SPAG16: variants seen among roughly 807,000 people sequenced by gnomAD.
SPAG16 encodes the protein sperm-associated antigen 16 protein.
A neutral mutation model predicts 80.4 loss-of-function variants in SPAG16; 86 were observed. That is an observed-to-expected ratio of 1.07 (90% confidence interval 0.90 to 1.28). SPAG16 has a LOEUF of 1.28. Among genes scored for constraint, SPAG16 ranks in the 50% most tolerant of loss-of-function variants. The pLI is 0.00. For synonymous variants in SPAG16, 294 were observed against 265.9 expected (o/e 1.11, Z -1.03); for missense variants, 870 against 765.3 (o/e 1.14, Z -1.61).
At chr2:213,337,667 G>T (rs570189219) in intron 5 of SPAG16, among the ~76,000 whole-genome samples, 14 of 152,070 alleles carry the variant, frequency 9.2e-5, no homozygotes, top group African/African-American at 3.4e-4. Context: ...GCAGACAAGA[G>T]GAGAGAAAAA....
intron 10 of SPAG16, among the ~76,000 whole-genome samples, chr2:213,672,259 T>C (rs2063839015): frequency 6.8e-6 from 1 of 147,880 alleles, no homozygotes; most frequent in East Asian, 1.9e-4. Flanking sequence ...AATTCTCTTC[T>C]TTTCCTCACT....
chr2:213,999,213 G>T (rs1209315922), intron 12 of SPAG16, among the ~76,000 whole-genome samples: 1 of 152,148 alleles, frequency 6.6e-6, no homozygotes, highest in Non-Finnish European at 1.5e-5. Flanking sequence ...AGGAGAAAAT[G>T]GTTTCATGTG....
intron 10 of SPAG16, among the ~76,000 whole-genome samples, chr2:213,781,641 T>C (rs1056560738): frequency 6.6e-6 from 1 of 152,216 alleles, no homozygotes; most frequent in African/African-American, 2.4e-5. Context: ...GAAAAATCTT[T>C]AATTTAGGAC....
intron 11 of SPAG16, among the ~76,000 whole-genome samples, chr2:213,917,759 C>T (rs2078036578): frequency 6.6e-6 from 1 of 152,008 alleles, no homozygotes; most frequent in Non-Finnish European, 1.5e-5. Context: ...ATATGGATGC[C>T]TTTTCTTTCT....
intron 15 of SPAG16, among the ~76,000 whole-genome samples, chr2:214,170,302 TATAAA>T (rs2056829640): frequency 6.8e-6 from 1 of 146,612 alleles, no homozygotes; most frequent in Non-Finnish European, 1.5e-5. Context: ...ACATATAAGA[TATAAA>T]TTAAAATAAA....
In SPAG16 at chr2:213,790,816, A is replaced by C. The variant is rs184493682; in HGVS notation, c.1071-71669A>C. 6.0e-3 allele frequency among the ~76,000 whole-genome samples: 919 copies of C among 152,206 alleles called. 1 individual carries two copies. Among genetic ancestry groups the C allele is most frequent in the Non-Finnish European group, 9.1e-3 (616 of 67,922 alleles). ...ATTTTGTCATGGGCCAATTCTGATT[A>C]TGTCACATCAGTTGAAGATGCACAT... On this transcript the variant is annotated intron_variant, in intron 10 of 15. Transcript: ENST00000331683.
At chr2:213,421,342 C>A (rs939111470) in intron 9 of SPAG16, among the ~76,000 whole-genome samples, 3 of 152,218 alleles carry the variant, frequency 2.0e-5, no homozygotes, top group East Asian at 1.9e-4. Context: ...CCATTTGGCC[C>A]CCTCCAGACA....
chr2:213,764,185 A>G (rs1268822076), intron 10 of SPAG16, among the ~76,000 whole-genome samples: 1 of 152,086 alleles, frequency 6.6e-6, no homozygotes, highest in East Asian at 1.9e-4. Flanking sequence ...TTTTAAAATG[A>G]TGACTAAGTT....
intron 9 of SPAG16, among the ~76,000 whole-genome samples, chr2:213,383,686 A>G (rs549374523): frequency 6.7e-4 from 102 of 152,336 alleles, no homozygotes; most frequent in Admixed American, 2.0e-3. Context: ...CATATAAGAC[A>G]TGAACTACTG....
chr2:214,104,971 G>A (rs1294008540), intron 13 of SPAG16, among the ~76,000 whole-genome samples: 1 of 152,082 alleles, frequency 6.6e-6, no homozygotes, highest in Non-Finnish European at 1.5e-5. Context: ...AGGAGCTGTG[G>A]AATTTGGTAG....
intron 13 of SPAG16, among the ~76,000 whole-genome samples, chr2:214,070,653 C>T (rs2050744780): frequency 1.3e-5 from 2 of 152,010 alleles, no homozygotes; most frequent in African/African-American, 4.8e-5. Flanking sequence ...ATGAGCTGAT[C>T]ATATAGATTC....
chr2:214,089,080 T>G (rs78108730), intron 13 of SPAG16, among the ~76,000 whole-genome samples: 3 of 152,264 alleles, frequency 2.0e-5, no homozygotes, highest in Admixed American at 1.3e-4. Flanking sequence ...ATCTATTCCA[T>G]TCCCACCTTC....
chr2:213,979,638 C>T (rs2045595240), intron 12 of SPAG16, among the ~76,000 whole-genome samples: 2 of 151,996 alleles, frequency 1.3e-5, no homozygotes, highest in Admixed American at 6.6e-5. Context: ...AAACCGCCTC[C>T]CTGATCCAAT....
chr2:213,879,858 C>T (rs1239978850), intron 11 of SPAG16, among the ~76,000 whole-genome samples: 1 of 152,042 alleles, frequency 6.6e-6, no homozygotes, highest in Non-Finnish European at 1.5e-5. Context: ...TGTGTGTGTA[C>T]CATGTTTTAT....
intron 9 of SPAG16, among the ~76,000 whole-genome samples, chr2:213,412,972 G>A (rs1414242370): frequency 6.6e-6 from 1 of 152,000 alleles, no homozygotes; most frequent in African/African-American, 2.4e-5. Flanking sequence ...TAGATTTATA[G>A]CACTGGATCT....
chr2:213,605,331 A>C lies in SPAG16; in HGVS notation c.1070+115241A>C, dbSNP rs984583370. ...ACCCAGGCTGGAGTGCAGTGGTGCG[A>C]TCTCAGCTCACTGCAGGCTCTGCCT... On this transcript the variant is annotated intron_variant, in intron 10 of 15. Coordinates refer to ENST00000331683, the MANE Select transcript of SPAG16 (RefSeq NM_024532.5). Among the ~76,000 whole-genome samples the C allele has an allele frequency of 4.9e-4, 72 of 146,808 alleles. 1 individual carries two copies. The highest frequency in any genetic ancestry group is 1.8e-3 in the African/African-American group (69 of 39,424).
At chr2:214,101,107 GTTTT>G (rs34027430) in intron 13 of SPAG16, among the ~76,000 whole-genome samples, 1 of 151,382 alleles carries the variant, frequency 6.6e-6, no homozygotes, top group African/African-American at 2.4e-5. Context: ...AGTTTTAAAG[GTTTT>G]TTTGTCTGAA....
At chr2:214,030,130 A>G (rs1045698701) in intron 13 of SPAG16, among the ~76,000 whole-genome samples, 3 of 151,946 alleles carry the variant, frequency 2.0e-5, no homozygotes, top group African/African-American at 7.3e-5. Flanking sequence ...CTAACTCTCT[A>G]TTTCCCCCTT....
chr2:213,595,300 TGTG>T (rs976177721), intron 10 of SPAG16, among the ~76,000 whole-genome samples: 12 of 152,106 alleles, frequency 7.9e-5, no homozygotes, highest in South Asian at 6.2e-4. Context: ...AGTGGGGTAT[TGTG>T]GTGAAAATTT....
Sources: allele counts gnomAD v4.1 joint callset (sites outside exome capture counted in the v4.1 genomes callset), GRCh38; gene constraint gnomAD v4.1.1; transcripts MANE v1.5; gene names NCBI Gene and HGNC (gene_info 2026-07-23, HGNC 2026-07-21).